GALNTL6: variants seen among roughly 807,000 people sequenced by gnomAD.
GALNTL6 encodes the protein polypeptide N-acetylgalactosaminyltransferase like 6, also known as polypeptide N-acetylgalactosaminyltransferase-like 6.
GALNTL6 carries 46 observed loss-of-function variants against 73.7 expected under a neutral mutation model. That is an observed-to-expected ratio of 0.62 (90% CI 0.49 to 0.80). The LOEUF (loss-of-function observed/expected upper bound fraction) is 0.80, where lower values mean the gene tolerates loss of function less well. Ranked by LOEUF, GALNTL6 falls within the 30% of genes least tolerant of loss-of-function variation. The probability of loss-of-function intolerance (pLI) is 0.00; values close to 1 mark genes in which losing one functional copy is unlikely to be tolerated. For synonymous variants in GALNTL6, 259 were observed against 263.7 expected (o/e 0.98, Z 0.17); for missense variants, 604 against 755.0 (o/e 0.80, Z 2.34).
chr4:172,462,777 G>A (rs337054), intron 5 of GALNTL6, among the ~76,000 whole-genome samples: 135,671 of 152,238 alleles, frequency 0.89, 60,531 homozygotes, highest in African/African-American at 0.94. Context: ...TTGGAATTGC[G>A]TCTATAAGAT....
In GALNTL6 at chr4:172,984,975, C is replaced by A. The variant is rs1044921354; in HGVS notation, c.1372-24203C>A. Among the ~76,000 whole-genome samples, 132 of 152,142 alleles carry A rather than the reference C, an allele frequency of 8.7e-4. 1 individual carries two copies. The highest frequency in any genetic ancestry group is 1.4e-3 in the Non-Finnish European group (96 of 67,988). ...CTAACAAAAAAGAACCTGTACCCCCCAAAAATGTTAATCACTTACATAAAA... is the reference window on the plus strand; with the variant it reads ...CTAACAAAAAAGAACCTGTACCCCCAAAAAATGTTAATCACTTACATAAAA... On this transcript the variant is annotated intron_variant, in intron 10 of 12. Coordinates refer to ENST00000506823, the MANE Select transcript of GALNTL6 (RefSeq NM_001034845.3).
At chr4:172,318,434 G>T (rs1740640112) in intron 4 of GALNTL6, among the ~76,000 whole-genome samples, 1 of 152,192 alleles carries the variant, frequency 6.6e-6, no homozygotes, top group Admixed American at 6.5e-5. Flanking sequence ...TGGGTGCCAT[G>T]GCTCATGCCT....
chr4:172,025,120 G>GT (rs1447377022), intron 2 of GALNTL6, among the ~76,000 whole-genome samples: 1 of 151,964 alleles, frequency 6.6e-6, no homozygotes, highest in Non-Finnish European at 1.5e-5. Context: ...AGGTCAAGGG[G>GT]TTTTTACAGA....
chr4:171,965,559 G>A (rs1480922747), intron 2 of GALNTL6, among the ~76,000 whole-genome samples: 1 of 151,138 alleles, frequency 6.6e-6, no homozygotes, highest in African/African-American at 2.4e-5. Context: ...GGTAGGCTGA[G>A]GCAGGAGAAT....
At chr4:172,338,322 A>G (rs910982939) in intron 4 of GALNTL6, among the ~76,000 whole-genome samples, 1 of 151,988 alleles carries the variant, frequency 6.6e-6, no homozygotes, top group East Asian at 1.9e-4. Flanking sequence ...TGCTGTCACA[A>G]TGTTCAGATT....
chr4:172,664,332 A>G (rs997481487), intron 5 of GALNTL6, among the ~76,000 whole-genome samples: 1 of 152,216 alleles, frequency 6.6e-6, no homozygotes, highest in African/African-American at 2.4e-5. Flanking sequence ...TTAAAATTTC[A>G]AACAGCCTCT....
At chr4:172,232,035 T>A (rs1163905196) in intron 3 of GALNTL6, among the ~76,000 whole-genome samples, 4 of 152,094 alleles carry the variant, frequency 2.6e-5, no homozygotes, top group African/African-American at 7.2e-5. Context: ...GGATATATGA[T>A]AAATTTATAT....
At chr4:173,032,905 T>C (rs1006392147) in intron 12 of GALNTL6, among the ~76,000 whole-genome samples, 1 of 151,922 alleles carries the variant, frequency 6.6e-6, no homozygotes, top group African/African-American at 2.4e-5. Context: ...AAAATGCTGG[T>C]GAGAAGAGCA....
intron 5 of GALNTL6, among the ~76,000 whole-genome samples, chr4:172,692,581 A>C (rs1344313335): frequency 6.6e-6 from 1 of 152,182 alleles, no homozygotes; most frequent in Non-Finnish European, 1.5e-5. Context: ...GTTATAAGTC[A>C]GTTCAAATTA....
chr4:172,192,027 T>G (rs951618594), intron 2 of GALNTL6, among the ~76,000 whole-genome samples: 1 of 152,012 alleles, frequency 6.6e-6, no homozygotes, highest in African/African-American at 2.4e-5. Context: ...AAATGTTTGT[T>G]TATTATTTCT....
At position 171,881,087 on chromosome 4, in the gene GALNTL6, C is replaced by T. The variant is rs560401445; in HGVS notation, c.138+66369C>T. Among the ~76,000 whole-genome samples the T allele has an allele frequency of 2.6e-4, 40 of 152,150 alleles. No individual in the cohort carries two copies. The South Asian group carries it at 8.3e-3, about 32-fold the overall frequency. ...TTTAACAGTTGTGAACAATCTCTATCCCTTTTCAGTTTCATTCCTCACTGA... is the reference window on the plus strand; with the variant it reads ...TTTAACAGTTGTGAACAATCTCTATTCCTTTTCAGTTTCATTCCTCACTGA... On this transcript the variant is annotated intron_variant, in intron 2 of 12. Transcript: ENST00000506823.
chr4:171,816,836 A>G (rs1318068210), intron 2 of GALNTL6, among the ~76,000 whole-genome samples: 1 of 152,034 alleles, frequency 6.6e-6, no homozygotes, highest in Non-Finnish European at 1.5e-5. Context: ...GTCCTCAATA[A>G]GCAAGTTTTG....
intron 2 of GALNTL6, among the ~76,000 whole-genome samples, chr4:171,891,536 G>A (rs1249679236): frequency 6.6e-6 from 1 of 152,130 alleles, no homozygotes; most frequent in Non-Finnish European, 1.5e-5. Context: ...TGTTAGTCCT[G>A]TTTAAAAAAA....
intron 5 of GALNTL6, among the ~76,000 whole-genome samples, chr4:172,570,004 T>TTA (rs1289400531): frequency 6.6e-6 from 1 of 152,194 alleles, no homozygotes; most frequent in Admixed American, 6.5e-5. Context: ...ATTTCTCTAA[T>TTA]AAGTCCAGTC....
chr4:172,255,381 TG>T (rs1738038502), intron 3 of GALNTL6, among the ~76,000 whole-genome samples: 1 of 151,530 alleles, frequency 6.6e-6, no homozygotes, highest in South Asian at 2.1e-4. Context: ...AATGTAATAA[TG>T]GTTTCCCAAA....
At chr4:172,546,808 G>GTATATATACGTATA (rs1561131821) in intron 5 of GALNTL6, among the ~76,000 whole-genome samples, 23 of 51,898 alleles carry the variant, frequency 4.4e-4, no homozygotes, top group Admixed American at 6.5e-4. Context: ...GTATATATAC[G>GTATATATACGTATA]TATATATATA....
At chr4:172,604,849 C>T (rs1337699797) in intron 5 of GALNTL6, among the ~76,000 whole-genome samples, 1 of 152,144 alleles carries the variant, frequency 6.6e-6, no homozygotes, top group Non-Finnish European at 1.5e-5. Flanking sequence ...GCATTTCCAC[C>T]ATGGACTTCA....
At chr4:173,022,223 G>GGAAGGAA (rs745603587) in intron 12 of GALNTL6, among the ~76,000 whole-genome samples, 1 of 137,380 alleles carries the variant, frequency 7.3e-6, no homozygotes, top group Admixed American at 7.0e-5. Flanking sequence ...AAGGAAGGAA[G>GGAAGGAA]GAAGTTTTGA....
intron 8 of GALNTL6, among the ~76,000 whole-genome samples, chr4:172,918,278 C>T (rs1276734103): frequency 1.3e-5 from 2 of 151,926 alleles, no homozygotes; most frequent in South Asian, 4.2e-4. Context: ...AGGAGAAATA[C>T]CTAATGTAAA....
Sources: allele counts gnomAD v4.1 joint callset (sites outside exome capture counted in the v4.1 genomes callset), GRCh38; gene constraint gnomAD v4.1.1; transcripts MANE v1.5; gene names NCBI Gene and HGNC (gene_info 2026-07-23, HGNC 2026-07-21).